The following CD83 variants were observed in gnomAD, a reference collection of about 807,000 sequenced individuals.
CD83 encodes CD83 molecule, also known as CD83 antigen.
Under a neutral mutation model 24.6 loss-of-function variants are expected in CD83, and 22 were observed. The observed-to-expected ratio is 0.90, with a 90% confidence interval of 0.64 to 1.28. The LOEUF is 1.28. Ranked by LOEUF, CD83 falls within the 50% of genes most tolerant of loss-of-function variation. The probability of loss-of-function intolerance (pLI) is 0.00; values close to 1 mark genes in which losing one functional copy is unlikely to be tolerated. For synonymous variants in CD83, 101 were observed against 103.5 expected, an observed-to-expected ratio of 0.98 and a Z score of 0.14; for missense variants, 253 against 252.8, an observed-to-expected ratio of 1.00 and a Z score of -0.01.
chr6:14,120,007 A>C (rs2113385377), intron 2 of CD83, among the ~76,000 whole-genome samples: 1 of 152,340 alleles, frequency 6.6e-6, no homozygotes, highest in South Asian at 2.1e-4. Flanking sequence ...ATTGGACAGA[A>C]TTCTTGCGAG....
Position 14,135,377 on chromosome 6 carries a change from G to T in CD83, c.*141G>T, listed in dbSNP as rs1472823640. 1 of 900,552 alleles carries T rather than the reference G, an allele frequency of 1.1e-6. No individual in the cohort carries two copies. Among genetic ancestry groups the T allele is most frequent in the Non-Finnish European group, 1.7e-6 (1 of 604,540 alleles). 55.8% of individuals were successfully genotyped at this position (900,552 alleles called of 1,614,324 possible). ...CACCTCACTGAAAACATCTGGAAGG[G>T]GATCCCACCCCATTTTCTGTGGGCA... On this transcript the variant is annotated 3_prime_UTR_variant, in exon 5 of 5. Coordinates refer to ENST00000379153, the MANE Select transcript of CD83 (RefSeq NM_004233.4).
upstream of CD83, chr6:14,117,714 G>T: frequency 1.2e-6 from 1 of 866,528 alleles, no homozygotes; most frequent in Non-Finnish European, 1.6e-6. The surrounding 1 kb of genome is among the most constrained non-coding windows in gnomAD (Gnocchi z 4.6). Flanking sequence ...CCCCGGGCTG[G>T]CGCGCAGGGA....
At position 14,135,085 on chromosome 6, in the gene CD83, ACATTTCTTT is replaced by A. The variant is rs2113407573; in HGVS notation, c.490-13_490-5del. ...CTGAATTTTTCCAATTATTCACTTC[ACATTTCTTT>A]CATTTCTTTTTAGAAGTTTGCACGG... On this transcript the variant is annotated splice_polypyrimidine_tract_variant and intron_variant, in intron 4 of 4. Transcript: ENST00000379153. 1.2e-6 allele frequency: 2 copies of A among 1,612,856 alleles called. No individual in the cohort carries two copies. The highest frequency in any genetic ancestry group is 1.7e-6 in the Non-Finnish European group (2 of 1,179,342).
In CD83 at chr6:14,131,582, C is replaced by T. The variant is rs186800524; in HGVS notation, c.216C>T (p.His72=). The T allele has an allele frequency of 1.4e-5, 22 of 1,614,156 alleles. No homozygotes were observed. The East Asian group carries it at 4.5e-4, about 33-fold the overall frequency. Residue 72 remains histidine, a synonymous_variant, in exon 3 of 5, where the codon CAC becomes CAT. Transcript: ENST00000379153. The part of the protein sequence containing the change: ...TPQEDHLRGQ[H]YHQKGQNGSF... Reference sequence around the variant, plus strand: ...AGGAAGACCACCTCAGGGGACAGCACTATCATCAGAAGGGGCAAAATGGTT... The same window carrying T: ...AGGAAGACCACCTCAGGGGACAGCATTATCATCAGAAGGGGCAAAATGGTT...
chr6:14,134,197 C>T (rs1010657522), intron 4 of CD83, among the ~76,000 whole-genome samples: 4 of 152,220 alleles, frequency 2.6e-5, no homozygotes, highest in African/African-American at 4.8e-5. Flanking sequence ...AACTATTTCT[C>T]GTGGGGGTTC....
chr6:14,132,713 C>A (rs906994750), intron 3 of CD83, among the ~76,000 whole-genome samples: 3 of 151,976 alleles, frequency 2.0e-5, no homozygotes, highest in Non-Finnish European at 2.9e-5. Flanking sequence ...TCTCATTACC[C>A]ACGGCTGTGA....
At chr6:14,118,835 G>C (rs1442147736) in intron 2 of CD83, among the ~76,000 whole-genome samples, 2 of 152,170 alleles carry the variant, frequency 1.3e-5, no homozygotes, top group Non-Finnish European at 2.9e-5. Context: ...GCTACTGTTT[G>C]ATATCACTGG....
rs377641266 is a variant in CD83 at position 14,117,910 on chromosome 6, G to A, written c.38-40G>A. The A allele has an allele frequency of 5.7e-6, 9 of 1,585,588 alleles. No individual in the cohort carries two copies. The African/African-American group carries it at 1.2e-4, about 21-fold the overall frequency. ...CCGCCCCTCCACGACACCCCCTCCC[G>A]TCGGTCGCTTGCTCACGACGCGCTC... On this transcript the variant is annotated intron_variant, in intron 1 of 4. Coordinates refer to ENST00000379153, the MANE Select transcript of CD83 (RefSeq NM_004233.4). This position sits in a 1 kb window ranked among gnomAD's most constrained non-coding sequence, Gnocchi z 4.6.
chr6:14,125,727 T>G (rs1245935531), intron 2 of CD83, among the ~76,000 whole-genome samples: 2 of 152,192 alleles, frequency 1.3e-5, no homozygotes, highest in East Asian at 3.8e-4. Context: ...GCATGAACAA[T>G]GAAGGGTCCA....
intron 2 of CD83, among the ~76,000 whole-genome samples, chr6:14,118,682 G>A (rs1187318657): frequency 2.0e-5 from 3 of 152,146 alleles, no homozygotes; most frequent in African/African-American, 2.4e-5. Context: ...TGCATGAGCC[G>A]GAGCCCGCAT....
At chr6:14,124,534 G>A (rs1409607974) in intron 2 of CD83, among the ~76,000 whole-genome samples, 1 of 152,150 alleles carries the variant, frequency 6.6e-6, no homozygotes, top group Non-Finnish European at 1.5e-5. Context: ...CCCAAGGAGT[G>A]GGAGGCATGT....
At chr6:14,127,750 C>G (rs1052132493) in intron 2 of CD83, among the ~76,000 whole-genome samples, 6 of 152,104 alleles carry the variant, frequency 3.9e-5, no homozygotes, top group African/African-American at 1.2e-4. Context: ...GTCAGAGTCC[C>G]CAGGCTTTCT....
chr6:14,121,047 G>A lies in CD83; in HGVS notation c.153+2982G>A, dbSNP rs113945391. Among the ~76,000 whole-genome samples, 1,435 of 152,236 alleles carry A rather than the reference G, an allele frequency of 9.4e-3. 31 individuals are homozygous for A. The highest frequency in any genetic ancestry group is 0.032 in the African/African-American group (1,349 of 41,532). ...TTCTATGGACCATGTCCTCTTAACT[G>A]GGATCCAACAAAGGGTCCTCTTCTC... is the stretch of plus-strand genomic sequence containing the variant. On this transcript the variant is annotated intron_variant, in intron 2 of 4. Transcript: ENST00000379153.
At chr6:14,127,391 A>G (rs1228110150) in intron 2 of CD83, among the ~76,000 whole-genome samples, 4 of 152,144 alleles carry the variant, frequency 2.6e-5, no homozygotes, top group African/African-American at 4.8e-5. Context: ...TCTTAGCTTC[A>G]AATATGGTAA....
intron 4 of CD83, among the ~76,000 whole-genome samples, chr6:14,134,907 A>G (rs1758007834): frequency 1.3e-5 from 2 of 152,338 alleles, no homozygotes; most frequent in African/African-American, 4.8e-5. Flanking sequence ...AATGGCCACA[A>G]TCAGTGAATC....
In CD83 at chr6:14,135,117, C is replaced by T. The variant is rs529131273; in HGVS notation, c.499C>T (p.Arg167Trp). The T allele has an allele frequency of 5.2e-5, 84 of 1,613,712 alleles. No homozygotes were observed. The highest frequency in any genetic ancestry group is 3.5e-4 in the Admixed American group (21 of 59,902). The change falls in exon 5 of 5, where the codon CGG becomes TGG. Residue 167 changes from arginine to tryptophan, a missense_variant. Coordinates refer to ENST00000379153, the MANE Select transcript of CD83 (RefSeq NM_004233.4). The stretch of plus-strand genomic sequence containing the variant: ...TTTCATTTCTTTTTAGAAGTTTGCA[C>T]GGCTACAGAGTATCTTCCCAGATTT... Reference protein sequence around the residue: ...TLIIFTCKFARLQSIFPDFSK... With the variant: ...TLIIFTCKFAWLQSIFPDFSK...
chr6:14,133,853 G>C (rs767790679), intron 4 of CD83, 98 bp downstream of exon 4: 2 of 730,678 alleles, frequency 2.7e-6, no homozygotes, highest in Non-Finnish European at 2.3e-6. Context: ...TAATAATGGT[G>C]AGAGAGATTA....
chr6:14,121,714 C>T (rs1340289764), intron 2 of CD83, among the ~76,000 whole-genome samples: 1 of 146,730 alleles, frequency 6.8e-6, no homozygotes, highest in Non-Finnish European at 1.5e-5. Context: ...CATGACTTTT[C>T]TTCCACTGGC....
chr6:14,118,237 G>A (rs550523855), intron 2 of CD83, among the ~76,000 whole-genome samples, 172 bp downstream of exon 2: 2 of 152,204 alleles, frequency 1.3e-5, no homozygotes, highest in Admixed American at 6.5e-5. Context: ...CACCCCATCC[G>A]CATCCAGGTA....
Sources: allele counts gnomAD v4.1 joint callset (sites outside exome capture counted in the v4.1 genomes callset), GRCh38; gene constraint gnomAD v4.1.1; non-coding constraint Gnocchi (gnomAD v3.1); transcripts MANE v1.5; gene names NCBI Gene and HGNC (gene_info 2026-07-23, HGNC 2026-07-21).